Variants in SLC30A8 observed in about 807,000 individuals in gnomAD.
SLC30A8 encodes solute carrier family 30 member 8.
SLC30A8 carries 27 observed loss-of-function variants against 36.9 expected under a neutral mutation model. The ratio of observed to expected loss-of-function variants is 0.73; its 90% CI spans 0.54 to 1.01. The LOEUF (loss-of-function observed/expected upper bound fraction) is 1.01, where lower values mean the gene tolerates loss of function less well. Ranked by LOEUF, SLC30A8 falls within the 50% of genes least tolerant of loss-of-function variation. SLC30A8 has a pLI of 0.00. For missense variants in SLC30A8, 439 were observed against 452.0 expected (o/e 0.97, Z 0.26); for synonymous variants, 164 against 172.4 (o/e 0.95, Z 0.38).
chr8:116,975,178 T>TA (rs1814945978), intron 1 of SLC30A8, among the ~76,000 whole-genome samples: 2 of 151,990 alleles, frequency 1.3e-5, no homozygotes, highest in African/African-American at 4.8e-5. Context: ...CCCTAGAACT[T>TA]AAAGTATAAT....
At chr8:117,014,506 C>T (rs2130710465) in intron 1 of SLC30A8, among the ~76,000 whole-genome samples, 1 of 152,256 alleles carries the variant, frequency 6.6e-6, no homozygotes, top group African/African-American at 2.4e-5. Context: ...TGCAAATATG[C>T]TGAGCATATT....
chr8:117,032,689 A>G (rs917153152), intron 1 of SLC30A8, among the ~76,000 whole-genome samples: 3 of 152,174 alleles, frequency 2.0e-5, no homozygotes, highest in African/African-American at 7.2e-5. Context: ...CAGGAGTTCA[A>G]GACCAGCCTG....
intron 2 of SLC30A8, among the ~76,000 whole-genome samples, chr8:117,044,009 A>G (rs1817469063): frequency 6.6e-6 from 1 of 152,204 alleles, no homozygotes; most frequent in African/African-American, 2.4e-5. Flanking sequence ...ATCAACTAGT[A>G]GTTATTATAT....
intron 2 of SLC30A8, among the ~76,000 whole-genome samples, chr8:117,075,511 T>C (rs1045168163): frequency 2.0e-5 from 3 of 152,234 alleles, no homozygotes; most frequent in Non-Finnish European, 4.4e-5. Flanking sequence ...AACAACTTCC[T>C]TTCCTCTTGA....
chr8:117,033,258 T>C, intron 1 of SLC30A8, among the ~76,000 whole-genome samples: 1 of 152,192 alleles, frequency 6.6e-6, no homozygotes, highest in Non-Finnish European at 1.5e-5. Context: ...TGTCAATCAG[T>C]GGATGAATGG....
chr8:117,023,267 T>C (rs1286443511), intron 1 of SLC30A8, among the ~76,000 whole-genome samples: 2 of 152,184 alleles, frequency 1.3e-5, no homozygotes, highest in African/African-American at 2.4e-5. Context: ...TTTTACACTG[T>C]TGGTGGGACT....
intron 1 of SLC30A8, among the ~76,000 whole-genome samples, chr8:116,986,343 C>T (rs571528883): frequency 3.9e-5 from 6 of 152,258 alleles, no homozygotes; most frequent in South Asian, 2.1e-4. Context: ...GAGCAAACAC[C>T]TCCTCACCCT....
intron 1 of SLC30A8, chr8:117,017,831 T>C (rs1384448710): frequency 6.6e-6 from 1 of 152,224 alleles, no homozygotes; most frequent in East Asian, 1.9e-4. Context: ...TTTAGGATGA[T>C]GGCTTTCTGC....
At chr8:117,072,048 G>A (rs138775305) in intron 2 of SLC30A8, among the ~76,000 whole-genome samples, 73 of 152,200 alleles carry the variant, frequency 4.8e-4, no homozygotes, top group African/African-American at 1.6e-3. Context: ...TTGGTTTATC[G>A]GAGGCATTAA....
At chr8:116,963,529 G>A (rs1477723632) in intron 1 of SLC30A8, among the ~76,000 whole-genome samples, 1 of 152,132 alleles carries the variant, frequency 6.6e-6, no homozygotes, top group Non-Finnish European at 1.5e-5. Context: ...TACAATTTTT[G>A]TATCTGGCTT....
chr8:117,055,998 G>A (rs1389688021), intron 2 of SLC30A8: 2 of 152,126 alleles, frequency 1.3e-5, no homozygotes, highest in Admixed American at 6.5e-5. Flanking sequence ...AGCAACAAAT[G>A]TTTTAAGAAA....
In SLC30A8 at chr8:117,111,050, C is replaced by G. The variant is rs564699170; in HGVS notation, c.-225-24230C>G. Reference sequence around the variant, plus strand: ...TTGGTTCTTCCATAACTGTCACATTCTCTTAGGAAAGCTACCTAACTTTGA... The same window carrying G: ...TTGGTTCTTCCATAACTGTCACATTGTCTTAGGAAAGCTACCTAACTTTGA... On this transcript the variant is annotated intron_variant, in intron 2 of 10. Coordinates refer to the SLC30A8 transcript ENST00000427715. 3.9e-5 allele frequency among the ~76,000 whole-genome samples: 6 copies of G among 152,246 alleles called. No individual in the cohort carries two copies. The East Asian group carries it at 1.2e-3, about 29-fold the overall frequency.
At chr8:117,050,652 C>T (rs766388997) in intron 2 of SLC30A8, among the ~76,000 whole-genome samples, 2 of 152,268 alleles carry the variant, frequency 1.3e-5, no homozygotes, top group Non-Finnish European at 2.9e-5. Context: ...GTGATCCGCC[C>T]TCTTTGGCCT....
At chr8:117,170,446 G>C (rs1233229343) in intron 6 of SLC30A8, among the ~76,000 whole-genome samples, 1 of 152,038 alleles carries the variant, frequency 6.6e-6, no homozygotes, top group African/African-American at 2.4e-5. Context: ...CGAATAAGAT[G>C]GTATTATACA....
Position 117,052,314 on chromosome 8 carries a change from C to A in SLC30A8, c.-226+13056C>A, listed in dbSNP as rs181041474. Among the ~76,000 whole-genome samples the A allele has an allele frequency of 7.4e-4, 112 of 152,260 alleles. 1 individual carries two copies. The highest frequency in any genetic ancestry group is 2.4e-3 in the African/African-American group (99 of 41,562). ...GCATGAGCCACTGCGCCCAGCCAAG[C>A]CTTTATTCTTTATAAATTACCCAGC... is the stretch of plus-strand genomic sequence containing the variant. On this transcript the variant is annotated intron_variant, in intron 2 of 10. Coordinates refer to the SLC30A8 transcript ENST00000427715.
chr8:117,060,993 C>T (rs1372999540), intron 2 of SLC30A8, among the ~76,000 whole-genome samples: 1 of 151,932 alleles, frequency 6.6e-6, no homozygotes, highest in African/African-American at 2.4e-5. Flanking sequence ...GTTTCTGAGT[C>T]TGTAAAGAAT....
rs1242399855 is a variant in SLC30A8, at chr8:117,175,459, A to C, written c.*2778A>C. 1 of 152,126 alleles carries C rather than the reference A, an allele frequency of 6.6e-6. No homozygotes were observed. Among genetic ancestry groups the C allele is most frequent in the Non-Finnish European group, 1.5e-5 (1 of 68,014 alleles). The allele number at this position is 152,126 out of a possible 1,614,324, so 9.4% of individuals were successfully genotyped here. ...AATGTTGAAGGACATGAAAGAAAGG[A>C]TGTTTACACATTAAGCATCAGTTCT... On this transcript the variant is annotated 3_prime_UTR_variant, in exon 8 of 8. Transcript: ENST00000456015.
At chr8:117,100,316 T>C (rs534174887) in intron 2 of SLC30A8, among the ~76,000 whole-genome samples, 12 of 152,176 alleles carry the variant, frequency 7.9e-5, no homozygotes, top group Non-Finnish European at 1.6e-4. Context: ...GGAAAAGATA[T>C]ATTTGAACCA....
chr8:117,080,938 T>C (rs114565178), intron 2 of SLC30A8, among the ~76,000 whole-genome samples: 4,512 of 152,316 alleles, frequency 0.03, 153 homozygotes, highest in African/African-American at 0.086. Context: ...GTTGGACTAA[T>C]TTACTGTTAA....
Sources: allele counts gnomAD v4.1 joint callset (sites outside exome capture counted in the v4.1 genomes callset), GRCh38; gene constraint gnomAD v4.1.1; transcripts MANE v1.5; gene names NCBI Gene and HGNC (gene_info 2026-07-23, HGNC 2026-07-21).